The following PHLPP1 variants were observed in gnomAD, a reference collection of about 807,000 sequenced individuals.
PHLPP1 encodes PH domain leucine-rich repeat-containing protein phosphatase 1.
Under a neutral mutation model 117.2 loss-of-function variants are expected in PHLPP1, and 42 were observed. The observed-to-expected ratio is 0.36, with a 90% CI of 0.28 to 0.46. The LOEUF is 0.46. Ranked by LOEUF, PHLPP1 falls within the 20% of genes least tolerant of loss-of-function variation. The probability of loss-of-function intolerance (pLI) is 1.00; values close to 1 mark genes in which losing one functional copy is unlikely to be tolerated. For missense variants in PHLPP1, 2,084 were observed against 2,241.9 expected, an observed-to-expected ratio of 0.93 and a Z score of 1.42; for synonymous variants, 1,042 against 970.7, an observed-to-expected ratio of 1.07 and a Z score of -1.37.
In PHLPP1 at chr18:62,898,329, C is replaced by CAA. The variant is rs1298567866; in HGVS notation, c.2444+2319_2444+2320dup. Among the ~76,000 whole-genome samples, 14 of 152,296 alleles carry CAA rather than the reference C, an allele frequency of 9.2e-5. No individual in the cohort carries two copies. The East Asian group carries it at 2.7e-3, about 29-fold the overall frequency. On this transcript the variant is annotated intron_variant, in intron 6 of 16. Transcript: ENST00000262719. Reference sequence around the variant, plus strand: ...CATGGATTTCTTTTTTTGCTGATAGCAACACCACCTCATTGGTTTTCCAGA... The same window carrying CAA: ...CATGGATTTCTTTTTTTGCTGATAGCAAAACACCACCTCATTGGTTTTCCAGA...
At chr18:62,730,425 G>A (rs1407070220) in intron 1 of PHLPP1, among the ~76,000 whole-genome samples, 1 of 151,964 alleles carries the variant, frequency 6.6e-6, no homozygotes, top group Non-Finnish European at 1.5e-5. Context: ...CCCTTCTCTG[G>A]TCTTTGTGCT....
At chr18:62,924,357 G>A (rs1241227858) in intron 10 of PHLPP1, among the ~76,000 whole-genome samples, 3 of 152,050 alleles carry the variant, frequency 2.0e-5, no homozygotes, top group Non-Finnish European at 4.4e-5. Context: ...GGCTTTATAT[G>A]TTTCAGTGGT....
At chr18:62,825,931 A>C (rs959705062) in intron 1 of PHLPP1, among the ~76,000 whole-genome samples, 2 of 152,222 alleles carry the variant, frequency 1.3e-5, no homozygotes, top group African/African-American at 4.8e-5. Flanking sequence ...GATAAAAGGC[A>C]AAGTGACGAG....
At chr18:62,753,390 AT>A (rs1911918319) in intron 1 of PHLPP1, among the ~76,000 whole-genome samples, 1 of 152,242 alleles carries the variant, frequency 6.6e-6, no homozygotes, top group Non-Finnish European at 1.5e-5. Flanking sequence ...ATAGAGTTTG[AT>A]TAGAGGAAAA....
intron 1 of PHLPP1, among the ~76,000 whole-genome samples, chr18:62,743,740 G>A (rs952629031): frequency 1.3e-5 from 2 of 151,676 alleles, no homozygotes; most frequent in Non-Finnish European, 2.9e-5. Context: ...TAGGTTTCCC[G>A]CCTCTCCAGC....
chr18:62,757,121 T>C (rs306212), intron 1 of PHLPP1, among the ~76,000 whole-genome samples: 66,013 of 152,114 alleles, frequency 0.43, 17,021 homozygotes, highest in Non-Finnish European at 0.58. Flanking sequence ...GACGTCAACA[T>C]TGTATGCAAA....
intron 4 of PHLPP1, among the ~76,000 whole-genome samples, chr18:62,872,995 A>G: frequency 1.4e-5 from 2 of 146,570 alleles, no homozygotes; most frequent in Admixed American, 7.0e-5. Context: ...TCAAAAAAAA[A>G]AAAAAAAAAA....
rs529377343 is a variant in PHLPP1, at chr18:62,836,024, G to A, written c.1774-2760G>A. Among the ~76,000 whole-genome samples, 75 of 151,552 alleles carry A rather than the reference G, an allele frequency of 4.9e-4. No individual in the cohort carries two copies. In the East Asian group the frequency reaches 0.012, roughly 25 times the overall value. The stretch of plus-strand genomic sequence containing the variant: ...TCAAACTCCTGACCTCAAATGATTC[G>A]CCTGCCTCAGCCTTCCAAAGTATTG... On this transcript the variant is annotated intron_variant, in intron 2 of 16. Coordinates refer to ENST00000262719, the MANE Select transcript of PHLPP1 (RefSeq NM_194449.4).
At chr18:62,874,492 G>C (rs1222976615) in intron 4 of PHLPP1, among the ~76,000 whole-genome samples, 1 of 152,140 alleles carries the variant, frequency 6.6e-6, no homozygotes, top group African/African-American at 2.4e-5. Flanking sequence ...CTGGGTGACA[G>C]AGCAAGACTC....
chr18:62,935,833 G>A (rs1012394490), intron 10 of PHLPP1, among the ~76,000 whole-genome samples: 5 of 151,932 alleles, frequency 3.3e-5, no homozygotes, highest in East Asian at 1.9e-4. Context: ...GCAAAACCCC[G>A]TCTCTACTAA....
chr18:62,871,889 C>T (rs757651443), intron 4 of PHLPP1, among the ~76,000 whole-genome samples: 2 of 151,332 alleles, frequency 1.3e-5, no homozygotes, highest in Non-Finnish European at 3.0e-5. Context: ...AAGTGATCCG[C>T]CTGCCTCGGC....
At chr18:62,836,599 A>G (rs1407880854) in intron 2 of PHLPP1, among the ~76,000 whole-genome samples, 1 of 151,862 alleles carries the variant, frequency 6.6e-6, no homozygotes, top group African/African-American at 2.4e-5. Context: ...TGGTTATACT[A>G]TCCTCATAGA....
intron 12 of PHLPP1, among the ~76,000 whole-genome samples, chr18:62,949,744 C>T (rs1262887118): frequency 6.6e-6 from 1 of 152,138 alleles, no homozygotes; most frequent in Non-Finnish European, 1.5e-5. Context: ...AGCTCTTGAT[C>T]ATCTAGTAAG....
At chr18:62,938,874 T>C (rs1342545908) in intron 10 of PHLPP1, among the ~76,000 whole-genome samples, 1 of 152,216 alleles carries the variant, frequency 6.6e-6, no homozygotes, top group East Asian at 1.9e-4. Context: ...TCCCTCTTTT[T>C]CTGGCCTAAA....
chr18:62,717,744 A>G (rs974858924), intron 1 of PHLPP1, among the ~76,000 whole-genome samples: 2 of 152,154 alleles, frequency 1.3e-5, no homozygotes, highest in African/African-American at 4.8e-5. Flanking sequence ...TGACTTGTCA[A>G]CTGGTGCCTT....
chr18:62,898,860 G>C (rs1023653447), intron 6 of PHLPP1, among the ~76,000 whole-genome samples: 3 of 151,930 alleles, frequency 2.0e-5, no homozygotes, highest in Admixed American at 2.0e-4. Flanking sequence ...GTGCAGTGGT[G>C]TGATCTCGGC....
chr18:62,717,986 C>G (rs1910813416), intron 1 of PHLPP1, among the ~76,000 whole-genome samples: 1 of 152,196 alleles, frequency 6.6e-6, no homozygotes, highest in African/African-American at 2.4e-5. Flanking sequence ...GGAAGGTTCA[C>G]AAGAAGGATT....
rs144943901 is a variant in PHLPP1 at position 62,926,586 on chromosome 18, G to A, written c.2960+6472G>A. 3.5e-3 allele frequency among the ~76,000 whole-genome samples: 531 copies of A among 152,220 alleles called. 3 individuals are homozygous for A. The highest frequency in any genetic ancestry group is 0.031 in the Middle Eastern group (9 of 294). On this transcript the variant is annotated intron_variant, in intron 10 of 16. Transcript: ENST00000262719. ...GAAACCATGAAAATGCATTAGGACA[G>A]GGGTTTTTGCACCACGATGATTCTC...
chr18:62,752,780 G>A (rs1911899953), intron 1 of PHLPP1, among the ~76,000 whole-genome samples: 1 of 152,144 alleles, frequency 6.6e-6, no homozygotes, highest in African/African-American at 2.4e-5. Context: ...AAACTTTTGG[G>A]ATCATTTCAA....
Sources: allele counts gnomAD v4.1 joint callset (sites outside exome capture counted in the v4.1 genomes callset), GRCh38; gene constraint gnomAD v4.1.1; transcripts MANE v1.5; gene names NCBI Gene and HGNC (gene_info 2026-07-23, HGNC 2026-07-21).